PRKCE: variants seen among roughly 807,000 people sequenced by gnomAD.
The protein encoded by PRKCE is protein kinase C epsilon type.
In PRKCE, 16 loss-of-function variants were observed where a neutral mutation model predicts 85.4. The ratio of observed to expected loss-of-function variants is 0.19; its 90% CI spans 0.13 to 0.28. PRKCE has a LOEUF of 0.28. Ranked by LOEUF, PRKCE falls within the 10% of genes least tolerant of loss-of-function variation. PRKCE has a pLI of 1.00. For synonymous variants in PRKCE, 388 were observed against 371.5 expected (o/e 1.04, Z -0.51); for missense variants, 573 against 975.2 (o/e 0.59, Z 5.49).
At chr2:45,756,782 A>G (rs1175822629) in intron 1 of PRKCE, among the ~76,000 whole-genome samples, 1 of 152,230 alleles carries the variant, frequency 6.6e-6, no homozygotes, top group South Asian at 2.1e-4. Flanking sequence ...TCTATAAGAT[A>G]GGAAGTAAAA....
intron 11 of PRKCE, among the ~76,000 whole-genome samples, chr2:46,140,181 GT>G (rs1277285494): frequency 6.6e-6 from 1 of 152,108 alleles, no homozygotes; most frequent in Non-Finnish European, 1.5e-5. Context: ...CACCAGGATT[GT>G]TTTTTAACTA....
chr2:45,767,697 G>C (rs1685020331), intron 1 of PRKCE, among the ~76,000 whole-genome samples: 1 of 152,212 alleles, frequency 6.6e-6, no homozygotes, highest in African/African-American at 2.4e-5. Flanking sequence ...TGTCAGCAGT[G>C]CTTCTGTGGA....
rs1352287638 is a variant in PRKCE at position 45,774,161 on chromosome 2, T to C, written c.349-68839T>C. Among the ~76,000 whole-genome samples, 1 of 151,934 alleles carries C rather than the reference T, an allele frequency of 6.6e-6. No homozygotes were observed. The highest frequency in any genetic ancestry group is 1.5e-5 in the Non-Finnish European group (1 of 67,958). ...AGCCAGGGACTTGTCATCCTGGGAG[T>C]TCCAGGGCTGGGCTTGGCTGGGACA... is the stretch of plus-strand genomic sequence containing the variant. On this transcript the variant is annotated intron_variant, in intron 1 of 14. Transcript: ENST00000306156. This position sits in a 1 kb window ranked among gnomAD's most constrained non-coding sequence, Gnocchi z 4.3.
chr2:45,736,210 C>T (rs1204503383), intron 1 of PRKCE, among the ~76,000 whole-genome samples: 2 of 152,186 alleles, frequency 1.3e-5, no homozygotes, highest in Non-Finnish European at 2.9e-5. Flanking sequence ...ATCTACCCAC[C>T]TCTGCCTCCC....
intron 1 of PRKCE, among the ~76,000 whole-genome samples, chr2:45,682,741 C>G (rs1160204187): frequency 6.6e-6 from 1 of 152,168 alleles, no homozygotes; most frequent in South Asian, 2.1e-4. Flanking sequence ...CATGTGCCAC[C>G]ATGCCTGGCT....
At chr2:46,093,380 G>T (rs760182257) in intron 11 of PRKCE, among the ~76,000 whole-genome samples, 2 of 150,086 alleles carry the variant, frequency 1.3e-5, no homozygotes, top group Non-Finnish European at 3.0e-5. Context: ...GTTCTACATG[G>T]TGTTTTGGTT....
At chr2:45,949,402 GTT>G (rs35033431) in intron 2 of PRKCE, among the ~76,000 whole-genome samples, 4,822 of 118,732 alleles carry the variant, frequency 0.041, 104 homozygotes, top group Non-Finnish European at 0.057. Context: ...TATTTTGCTT[GTT>G]TTTTTTTTTT....
intron 1 of PRKCE, among the ~76,000 whole-genome samples, chr2:45,747,293 A>G (rs776497428): frequency 9.9e-5 from 15 of 152,168 alleles, no homozygotes; most frequent in Non-Finnish European, 2.1e-4. Context: ...GCATTTTTGT[A>G]CATGCACTCT....
intron 2 of PRKCE, among the ~76,000 whole-genome samples, chr2:45,966,999 A>C (rs1021581893): frequency 2.6e-5 from 4 of 152,148 alleles, no homozygotes; most frequent in African/African-American, 9.7e-5. Flanking sequence ...CTGTTTTTGG[A>C]AAGATAAAAG....
At chr2:45,716,739 G>T (rs1265935735) in intron 1 of PRKCE, among the ~76,000 whole-genome samples, 1 of 121,890 alleles carries the variant, frequency 8.2e-6, no homozygotes, top group Non-Finnish European at 1.8e-5. Flanking sequence ...AGGAAAGTAG[G>T]AAGGAACTTC....
intron 10 of PRKCE, among the ~76,000 whole-genome samples, chr2:46,048,474 C>G (rs1488524617): frequency 6.6e-6 from 1 of 152,208 alleles, no homozygotes; most frequent in East Asian, 1.9e-4. Context: ...GGCTCAATGT[C>G]CCACCAGAGC....
intron 2 of PRKCE, among the ~76,000 whole-genome samples, chr2:45,909,809 T>G (rs1697246156): frequency 6.6e-6 from 1 of 152,170 alleles, no homozygotes; most frequent in Non-Finnish European, 1.5e-5. Context: ...TCTCTTTCCT[T>G]CAGGCAGGTA....
intron 1 of PRKCE, among the ~76,000 whole-genome samples, chr2:45,653,370 G>GTTTTTTTTTTTTTTTTTTTT (rs34888247): frequency 9.8e-5 from 6 of 61,482 alleles, no homozygotes; most frequent in East Asian, 7.7e-4. Flanking sequence ...TTTTTGGGTT[G>GTTTTTTTTTTTTTTTTTTTT]TTTTTTTTTT....
Position 45,898,029 on chromosome 2 carries a change from C to T in PRKCE, c.412+54966C>T, listed in dbSNP as rs555866950. Reference sequence around the variant, plus strand: ...GCAGTTTCATCTCAGTCAATAAGGACGCAGTTGGGCAAGTGCACACCAGGC... The same window carrying T: ...GCAGTTTCATCTCAGTCAATAAGGATGCAGTTGGGCAAGTGCACACCAGGC... On this transcript the variant is annotated intron_variant, in intron 2 of 14. Transcript: ENST00000306156. Among the ~76,000 whole-genome samples, 7 of 152,246 alleles carry T rather than the reference C, an allele frequency of 4.6e-5. No individual in the cohort carries two copies. The South Asian group carries it at 8.3e-4, about 18-fold the overall frequency.
At chr2:46,141,653 T>A (rs1675543118) in intron 11 of PRKCE, among the ~76,000 whole-genome samples, 1 of 152,176 alleles carries the variant, frequency 6.6e-6, no homozygotes, top group African/African-American at 2.4e-5. Flanking sequence ...TTGGCTCACA[T>A]ATTGGGAAAG....
chr2:45,732,043 A>G (rs77329986), intron 1 of PRKCE, among the ~76,000 whole-genome samples: 4,866 of 152,266 alleles, frequency 0.032, 162 homozygotes, highest in African/African-American at 0.075. Flanking sequence ...TCTTTCCTGT[A>G]AGTTAAACCT....
In PRKCE at chr2:46,184,872, G is replaced by C; in HGVS notation, c.2205G>C (p.Leu735=). The C allele has an allele frequency of 6.3e-7, 1 of 1,599,790 alleles. No individual in the cohort carries two copies. Among genetic ancestry groups the C allele is most frequent in the East Asian group, 2.2e-5 (1 of 44,888 alleles). ...FKGFSYFGED[L]MP is the part of the protein sequence containing the mutation. ...GTTTCTCCTACTTTGGTGAAGACCT[G>C]ATGCCCTGAGAGCCCACTGCAGTTG... Residue 735 remains leucine (L), a synonymous_variant, in exon 15 of 15, where the codon CTG becomes CTC. Transcript: ENST00000306156. This position sits in a 1 kb window ranked among gnomAD's most constrained non-coding sequence, Gnocchi z 5.0.
At chr2:45,849,860 G>C (rs1284332583) in intron 2 of PRKCE, among the ~76,000 whole-genome samples, 1 of 152,082 alleles carries the variant, frequency 6.6e-6, no homozygotes, top group Non-Finnish European at 1.5e-5. Context: ...TGGGATTTTT[G>C]GCTCTATTTT....
intron 10 of PRKCE, 69 bp downstream of exon 10, chr2:46,010,586 T>C (rs1705581433): frequency 1.9e-6 from 3 of 1,598,160 alleles, no homozygotes; most frequent in East Asian, 4.5e-5. Flanking sequence ...ATACCAATTT[T>C]AGACCCTCTA....
Sources: allele counts gnomAD v4.1 joint callset (sites outside exome capture counted in the v4.1 genomes callset), GRCh38; gene constraint gnomAD v4.1.1; non-coding constraint Gnocchi (gnomAD v3.1); transcripts MANE v1.5; gene names NCBI Gene and HGNC (gene_info 2026-07-23, HGNC 2026-07-21).